TRAPPC3L: variants seen among roughly 807,000 people sequenced by gnomAD.
The protein encoded by TRAPPC3L is trafficking protein particle complex subunit 3-like protein.
Under a neutral mutation model 23.7 loss-of-function variants are expected in TRAPPC3L, and 23 were observed. The observed-to-expected ratio is 0.97, with a 90% confidence interval of 0.70 to 1.37. The LOEUF (loss-of-function observed/expected upper bound fraction) is 1.37, where lower values mean the gene tolerates loss of function less well. Ranked by LOEUF, TRAPPC3L falls within the 40% of genes most tolerant of loss-of-function variation. The pLI, the probability that TRAPPC3L is intolerant of heterozygous loss-of-function variation, is 0.00. For synonymous variants in TRAPPC3L, 81 were observed against 77.9 expected, an observed-to-expected ratio of 1.04 and a Z score of -0.21; for missense variants, 212 against 216.8, an observed-to-expected ratio of 0.98 and a Z score of 0.14.
intron 3 of TRAPPC3L, among the ~76,000 whole-genome samples, chr6:116,503,707 A>G (rs113647153): frequency 5.9e-5 from 9 of 152,318 alleles, no homozygotes; most frequent in African/African-American, 1.4e-4. Flanking sequence ...ATTAGAACTC[A>G]GGAGTAAAAA....
At chr6:116,513,938 C>T (rs1772173626) in intron 3 of TRAPPC3L, among the ~76,000 whole-genome samples, 1 of 152,048 alleles carries the variant, frequency 6.6e-6, no homozygotes, top group South Asian at 2.1e-4. Flanking sequence ...TCTTTGAGTC[C>T]CAGTTTTCTC....
chr6:116,512,241 GAAA>G, intron 3 of TRAPPC3L: 1 of 1,585,662 alleles, frequency 6.3e-7, no homozygotes, highest in Non-Finnish European at 8.6e-7. Flanking sequence ...TCTCAGGTAA[GAAA>G]AGACAAACTC....
chr6:116,506,247 C>G (rs1053227733), intron 3 of TRAPPC3L, among the ~76,000 whole-genome samples: 5 of 152,188 alleles, frequency 3.3e-5, no homozygotes, highest in Middle Eastern at 6.8e-3. Context: ...TTTATGCAGC[C>G]AACAGACATG....
intron 3 of TRAPPC3L, among the ~76,000 whole-genome samples, chr6:116,525,960 C>A (rs73769118): frequency 0.046 from 6,968 of 152,172 alleles, 448 homozygotes; most frequent in African/African-American, 0.15. Context: ...ATTTGTGTCA[C>A]GGAGGAAACA....
chr6:116,498,396 T>C (rs1005910756), intron 4 of TRAPPC3L, among the ~76,000 whole-genome samples: 7 of 152,198 alleles, frequency 4.6e-5, no homozygotes, highest in African/African-American at 1.7e-4. Context: ...AACAATACAT[T>C]ATTTCTATTG....
intron 3 of TRAPPC3L, among the ~76,000 whole-genome samples, chr6:116,533,684 TC>T (rs1268334774): frequency 6.6e-6 from 1 of 152,216 alleles, no homozygotes; most frequent in African/African-American, 2.4e-5. Flanking sequence ...ACGCTAGAGC[TC>T]CATCATGCAG....
intron 3 of TRAPPC3L, among the ~76,000 whole-genome samples, chr6:116,535,241 T>C (rs1037200886): frequency 6.6e-6 from 1 of 152,154 alleles, no homozygotes; most frequent in Non-Finnish European, 1.5e-5. Context: ...TTCTGACAAA[T>C]ATGGAAACCA....
At chr6:116,516,143 A>C in intron 3 of TRAPPC3L, 65 of 1,022,818 alleles carry the variant, frequency 6.4e-5, no homozygotes, top group Non-Finnish European at 8.2e-5. Flanking sequence ...TGAAGCTCTC[A>C]AGTGGAACAT....
intron 3 of TRAPPC3L, chr6:116,511,780 G>C (rs1311645626): frequency 1.2e-6 from 2 of 1,614,060 alleles, no homozygotes; most frequent in Non-Finnish European, 1.7e-6. Context: ...TGCTGACCGT[G>C]GGAAGTGAGC....
At chr6:116,543,265 C>T (rs1460764593) in intron 2 of TRAPPC3L, 38 bp downstream of exon 2, 4 of 1,466,824 alleles carry the variant, frequency 2.7e-6, no homozygotes, top group Non-Finnish European at 3.7e-6. Flanking sequence ...ATGTAAGAAA[C>T]AACAGCCATT....
chr6:116,514,847 G>A (rs2115167490), intron 3 of TRAPPC3L, among the ~76,000 whole-genome samples: 1 of 152,294 alleles, frequency 6.6e-6, no homozygotes, highest in African/African-American at 2.4e-5. Flanking sequence ...AATGTCAAGA[G>A]ACACTTTGAA....
At chr6:116,513,015 A>C (rs1407660277) in intron 3 of TRAPPC3L, among the ~76,000 whole-genome samples, 1 of 152,188 alleles carries the variant, frequency 6.6e-6, no homozygotes, top group East Asian at 1.9e-4. Context: ...GCACATGAAC[A>C]CAAATCCAGA....
intron 3 of TRAPPC3L, among the ~76,000 whole-genome samples, chr6:116,536,787 G>A (rs1773123677): frequency 6.6e-6 from 1 of 152,178 alleles, no homozygotes; most frequent in African/African-American, 2.4e-5. Flanking sequence ...TCTTGACTCT[G>A]CCATGCTCTG....
intron 4 of TRAPPC3L, 23 bp downstream of exon 4, chr6:116,500,458 A>T: frequency 2.6e-6 from 4 of 1,532,142 alleles, no homozygotes; most frequent in Non-Finnish European, 3.5e-6. Flanking sequence ...TTCTTCATTC[A>T]TTCTTCACTT....
At chr6:116,527,965 A>T (rs778556256) in intron 3 of TRAPPC3L, among the ~76,000 whole-genome samples, 1 of 151,970 alleles carries the variant, frequency 6.6e-6, no homozygotes, top group Non-Finnish European at 1.5e-5. Flanking sequence ...AGTAAAATTT[A>T]AAAAAACTTC....
chr6:116,544,912 A>T (rs962722805), intron 1 of TRAPPC3L, among the ~76,000 whole-genome samples: 2 of 152,110 alleles, frequency 1.3e-5, no homozygotes, highest in Non-Finnish European at 2.9e-5. Flanking sequence ...ACTATAAGAG[A>T]GTATTAAAGA....
Position 116,496,986 on chromosome 6 carries a change from G to T in TRAPPC3L, c.514C>A (p.Arg172=), listed in dbSNP as rs749533621. The T allele has an allele frequency of 3.2e-6, 5 of 1,543,568 alleles. No individual in the cohort carries two copies. Among genetic ancestry groups the T allele is most frequent in the Non-Finnish European group, 2.6e-6 (3 of 1,144,784 alleles). The change falls in exon 5 of 5, where the codon CGA becomes AGA. Residue 172 remains arginine (R), a synonymous_variant. Coordinates refer to ENST00000368602, the MANE Select transcript of TRAPPC3L (RefSeq NM_001139444.3). The stretch of plus-strand genomic sequence containing the variant: ...TTCCCTCTATATTTTTTCTCGTCTC[G>T]CTTTTTTAGAAATGTTATTCCTATT... The part of the protein sequence containing the change: ...TEIGITFLKK[R]DEKKYRGKK
At chr6:116,526,286 G>T (rs1043435475) in intron 3 of TRAPPC3L, among the ~76,000 whole-genome samples, 1 of 152,102 alleles carries the variant, frequency 6.6e-6, no homozygotes, top group Non-Finnish European at 1.5e-5. Context: ...TTTATTTGAA[G>T]CATGTAAAAG....
At chr6:116,497,957 T>G (rs1771857720) in intron 4 of TRAPPC3L, among the ~76,000 whole-genome samples, 1 of 152,182 alleles carries the variant, frequency 6.6e-6, no homozygotes, top group Non-Finnish European at 1.5e-5. Flanking sequence ...TGTTAAACCA[T>G]TAGTGTACCA....
Sources: allele counts gnomAD v4.1 joint callset (sites outside exome capture counted in the v4.1 genomes callset), GRCh38; gene constraint gnomAD v4.1.1; transcripts MANE v1.5; gene names NCBI Gene and HGNC (gene_info 2026-07-23, HGNC 2026-07-21).